Variants in SCAPER observed in about 807,000 individuals in gnomAD.
SCAPER encodes the protein S phase cyclin A-associated protein in the endoplasmic reticulum.
A neutral mutation model predicts 182.2 loss-of-function variants in SCAPER; 98 were observed. The ratio of observed to expected loss-of-function variants is 0.54; its 90% CI spans 0.46 to 0.64. The LOEUF (loss-of-function observed/expected upper bound fraction) is 0.64, where lower values mean the gene tolerates loss of function less well. SCAPER is among the 30% of genes least tolerant of loss of function. The pLI, the probability that SCAPER is intolerant of heterozygous loss-of-function variation, is 0.00. For missense variants in SCAPER, 1,432 were observed against 1,690.0 expected (o/e 0.85, Z 2.68); for synonymous variants, 605 against 564.6 (o/e 1.07, Z -1.01).
intron 27 of SCAPER, among the ~76,000 whole-genome samples, chr15:76,396,923 T>G (rs575696213): frequency 2.0e-5 from 3 of 152,310 alleles, no homozygotes; most frequent in Admixed American, 6.5e-5. Context: ...TTTTTCCTCA[T>G]TCAGTATGAT....
chr15:76,750,623 G>A (rs1297938040), intron 15 of SCAPER, among the ~76,000 whole-genome samples: 1 of 151,812 alleles, frequency 6.6e-6, no homozygotes, highest in Non-Finnish European at 1.5e-5. Flanking sequence ...ACTGGCCAAT[G>A]TAACATTACA....
intron 23 of SCAPER, among the ~76,000 whole-genome samples, chr15:76,542,893 C>A (rs897838241): frequency 1.7e-4 from 26 of 152,046 alleles, no homozygotes; most frequent in Non-Finnish European, 2.6e-4. Context: ...ATATTTTCCT[C>A]GTAAAATGCC....
At chr15:76,522,282 G>A (rs977956228) in intron 23 of SCAPER, among the ~76,000 whole-genome samples, 10 of 152,038 alleles carry the variant, frequency 6.6e-5, no homozygotes. Context: ...AAGTACCCCA[G>A]TATAATTTAT....
At chr15:76,693,922 A>G (rs1158421019) in intron 20 of SCAPER, among the ~76,000 whole-genome samples, 3 of 152,164 alleles carry the variant, frequency 2.0e-5, no homozygotes, top group Non-Finnish European at 4.4e-5. Flanking sequence ...TGATGGTAGC[A>G]TAAGAATGTG....
chr15:76,494,102 TACTGGGGGTCTATGATGTA>T (rs1286278134), intron 24 of SCAPER, among the ~76,000 whole-genome samples: 1 of 152,218 alleles, frequency 6.6e-6, no homozygotes, highest in African/African-American at 2.4e-5. Flanking sequence ...TATTAGTGCT[TACTGGGGGTCTATGATGTA>T]GCAGACACAG....
rs1010810624 is a variant in SCAPER at position 76,684,387 on chromosome 15, G to C, written c.2508+17371C>G. Among the ~76,000 whole-genome samples the C allele has an allele frequency of 2.0e-5, 3 of 152,140 alleles. No individual in the cohort carries two copies. The South Asian group carries it at 6.2e-4, about 32-fold the overall frequency. On this transcript the variant is annotated intron_variant, in intron 20 of 31. Coordinates refer to ENST00000563290, the MANE Select transcript of SCAPER (RefSeq NM_020843.4). ...GAAAAATCTACTGCTGGAGGTGATG[G>C]ATACCCCAATTACTCTGATTTGGTC...
intron 22 of SCAPER, among the ~76,000 whole-genome samples, chr15:76,579,037 C>G (rs181426214): frequency 6.6e-6 from 1 of 151,928 alleles, no homozygotes; most frequent in East Asian, 1.9e-4. Context: ...GAGGCTGAGG[C>G]GGGCAGATCA....
At chr15:76,381,038 T>C (rs1414734921) in intron 28 of SCAPER, 1 of 156,702 alleles carries the variant, frequency 6.4e-6, no homozygotes, top group African/African-American at 2.4e-5. Flanking sequence ...TGGCAAAGGA[T>C]GAACATAGGC....
chr15:76,708,470 AAAAAAAGAAAAAAC>A (rs1222429844), intron 17 of SCAPER, among the ~76,000 whole-genome samples: 11 of 152,176 alleles, frequency 7.2e-5, no homozygotes, highest in South Asian at 6.2e-4. Context: ...GGGGCAGGAA[AAAAAAAGAAAAAAC>A]AAAAAAGAAA....
chr15:76,566,011 G>A (rs1038017406), intron 23 of SCAPER, among the ~76,000 whole-genome samples: 1 of 152,124 alleles, frequency 6.6e-6, no homozygotes, highest in African/African-American at 2.4e-5. Context: ...TTCAGCTGAA[G>A]AATTCCAGCT....
At chr15:76,778,327 G>A (rs1456841224) in intron 8 of SCAPER, among the ~76,000 whole-genome samples, 8 of 152,118 alleles carry the variant, frequency 5.3e-5, no homozygotes. Flanking sequence ...ACTCACAGTG[G>A]TGTATGCCAA....
intron 1 of SCAPER, among the ~76,000 whole-genome samples, chr15:76,888,520 G>A (rs112240896): frequency 9.2e-5 from 14 of 152,106 alleles, no homozygotes; most frequent in Admixed American, 5.9e-4. Flanking sequence ...AGAGAACTTC[G>A]TGACGCATGC....
intron 25 of SCAPER, among the ~76,000 whole-genome samples, chr15:76,462,139 T>C (rs28509286): frequency 0.048 from 7,365 of 152,258 alleles, 546 homozygotes; most frequent in African/African-American, 0.16. Flanking sequence ...GTGGATTTTC[T>C]ATTGAGTTCT....
intron 20 of SCAPER, among the ~76,000 whole-genome samples, chr15:76,699,252 G>A (rs959705239): frequency 7.2e-5 from 11 of 152,122 alleles, no homozygotes; most frequent in African/African-American, 2.7e-4. Flanking sequence ...GGATGCCTCT[G>A]ATTCTTTCTC....
intron 21 of SCAPER, among the ~76,000 whole-genome samples, chr15:76,659,175 T>C (rs2055911530): frequency 6.6e-6 from 1 of 152,094 alleles, no homozygotes; most frequent in African/African-American, 2.4e-5. Context: ...AAACCATGAA[T>C]CTGACAAAGG....
At chr15:76,620,055 G>A (rs558528227) in intron 22 of SCAPER, among the ~76,000 whole-genome samples, 5 of 152,188 alleles carry the variant, frequency 3.3e-5, no homozygotes, top group South Asian at 4.2e-4. Context: ...CAGACTGGGC[G>A]ACAGAGCGAG....
At chr15:76,476,595 A>ATTT (rs5813839) in intron 24 of SCAPER, among the ~76,000 whole-genome samples, 15,365 of 73,532 alleles carry the variant, frequency 0.21, 4,238 homozygotes, top group East Asian at 0.44. Context: ...CACCCAGCTA[A>ATTT]TTTTTTTTTT....
chr15:76,818,967 G>A (rs970803485), intron 5 of SCAPER, among the ~76,000 whole-genome samples: 10 of 152,200 alleles, frequency 6.6e-5, no homozygotes, highest in African/African-American at 2.4e-4. Flanking sequence ...AGGGTCCTAC[G>A]CCCACGGAGC....
At chr15:76,850,554 T>C (rs1188074986) in intron 4 of SCAPER, among the ~76,000 whole-genome samples, 2 of 152,228 alleles carry the variant, frequency 1.3e-5, no homozygotes, top group Admixed American at 6.5e-5. Context: ...TTAACCAGGC[T>C]GAGCTGGCTG....
Sources: allele counts gnomAD v4.1 joint callset (sites outside exome capture counted in the v4.1 genomes callset), GRCh38; gene constraint gnomAD v4.1.1; transcripts MANE v1.5; gene names NCBI Gene and HGNC (gene_info 2026-07-23, HGNC 2026-07-21).